TACC1: variants seen among roughly 807,000 people sequenced by gnomAD.
TACC1 encodes the protein transforming acidic coiled-coil containing protein 1.
In TACC1, 48 loss-of-function variants were observed where a neutral mutation model predicts 84.4. The observed-to-expected ratio is 0.57, with a 90% CI of 0.45 to 0.72. TACC1 has a LOEUF of 0.72. Ranked by LOEUF, TACC1 falls within the 30% of genes least tolerant of loss-of-function variation. The pLI is 0.00. For missense variants in TACC1, 920 were observed against 973.0 expected, an observed-to-expected ratio of 0.95 and a Z score of 0.72; for synonymous variants, 372 against 376.3, an observed-to-expected ratio of 0.99 and a Z score of 0.13.
At chr8:38,740,671 C>T (rs1806882998) in intron 1 of TACC1, among the ~76,000 whole-genome samples, 1 of 152,228 alleles carries the variant, frequency 6.6e-6, no homozygotes, top group Admixed American at 6.5e-5. Context: ...AAAAGCAAAA[C>T]AGCACTCCCT....
At chr8:38,788,628 C>T in intron 1 of TACC1, 76 bp from the exon 2 acceptor site, 1 of 1,169,376 alleles carries the variant, frequency 8.6e-7, no homozygotes, top group South Asian at 1.4e-5. Context: ...CTTTTAGCCT[C>T]TGTGAATATG....
At chr8:38,830,424 G>A (rs1392343166) in intron 5 of TACC1, among the ~76,000 whole-genome samples, 2 of 152,142 alleles carry the variant, frequency 1.3e-5, no homozygotes, top group East Asian at 1.9e-4. Context: ...ATAGGCATGC[G>A]CCACCACGCC....
Position 38,845,635 on chromosome 8 carries a change from A to G in TACC1, c.2229-1064A>G, listed in dbSNP as rs1343135108. 2.0e-5 allele frequency among the ~76,000 whole-genome samples: 3 copies of G among 152,178 alleles called. No homozygotes were observed. The East Asian group carries it at 5.8e-4, about 29-fold the overall frequency. Reference sequence around the variant, plus strand: ...GGCACTTAGTTACAAACTTTTTTACATTGAAGGTAACACTACAGCGAACAT... The same window carrying G: ...GGCACTTAGTTACAAACTTTTTTACGTTGAAGGTAACACTACAGCGAACAT... On this transcript the variant is annotated intron_variant, in intron 11 of 12. Coordinates refer to ENST00000317827, the MANE Select transcript of TACC1 (RefSeq NM_006283.3).
chr8:38,773,265 TG>T (rs1814028020), intron 3 of TACC1, among the ~76,000 whole-genome samples: 1 of 151,712 alleles, frequency 6.6e-6, no homozygotes, highest in Non-Finnish European at 1.5e-5. Context: ...AGTGGAGTTG[TG>T]GCGAGCCGAG....
At chr8:38,741,906 T>C (rs1374230788) in intron 1 of TACC1, among the ~76,000 whole-genome samples, 1 of 151,942 alleles carries the variant, frequency 6.6e-6, no homozygotes, top group East Asian at 1.9e-4. Context: ...AAAAAATCAA[T>C]AAAAATCTCA....
At chr8:38,818,778 GCTTTTTTTTTTTCTT>G (rs1825999945) in intron 2 of TACC1, among the ~76,000 whole-genome samples, 1 of 149,740 alleles carries the variant, frequency 6.7e-6, no homozygotes, top group African/African-American at 2.4e-5. Context: ...TGGATACATG[GCTTTTTTTTTTTCTT>G]CTTTTTTTTT....
At chr8:38,739,242 T>C (rs1243806654) in intron 1 of TACC1, among the ~76,000 whole-genome samples, 1 of 152,242 alleles carries the variant, frequency 6.6e-6, no homozygotes, top group East Asian at 1.9e-4. Flanking sequence ...TTCATACTGA[T>C]GTCTATAACT....
chr8:38,757,929 A>T (rs1174112324), intron 3 of TACC1, among the ~76,000 whole-genome samples: 1 of 152,172 alleles, frequency 6.6e-6, no homozygotes, highest in African/African-American at 2.4e-5. Flanking sequence ...GTATTGTAGC[A>T]GCAGCAATTA....
intron 2 of TACC1, among the ~76,000 whole-genome samples, chr8:38,815,963 A>C (rs1239761639): frequency 2.7e-5 from 4 of 150,308 alleles, no homozygotes; most frequent in Non-Finnish European, 5.9e-5. Context: ...CCATGTTTAA[A>C]AAAAAAAAAA....
chr8:38,782,365 G>T (rs1327610268), upstream of TACC1, among the ~76,000 whole-genome samples: 2 of 151,922 alleles, frequency 1.3e-5, no homozygotes, highest in African/African-American at 4.8e-5. Flanking sequence ...ATTTTTTATG[G>T]CTGCATAGTA....
At chr8:38,830,916 GCTGA>G (rs1383917429) in intron 5 of TACC1, among the ~76,000 whole-genome samples, 2 of 152,210 alleles carry the variant, frequency 1.3e-5, no homozygotes, top group Non-Finnish European at 2.9e-5. Flanking sequence ...CCTGTTTGTG[GCTGA>G]CTAACCATGT....
intron 3 of TACC1, among the ~76,000 whole-genome samples, chr8:38,755,441 A>G (rs1809816346): frequency 6.6e-6 from 1 of 151,936 alleles, no homozygotes; most frequent in Non-Finnish European, 1.5e-5. Context: ...GGTGGCTTAC[A>G]CCTGTAGTCC....
Position 38,819,566 on chromosome 8 carries a change from A to G in TACC1, c.322A>G (p.Lys108Glu), listed in dbSNP as rs1173444313. The G allele has an allele frequency of 6.2e-7, 1 of 1,613,266 alleles. No homozygotes were observed. Among genetic ancestry groups the G allele is most frequent in the East Asian group, 2.2e-5 (1 of 44,862 alleles). ...ACAGCTTGTAGCAGAAGTGGTTGAA[A>G]AATGTTCATCTAAGACTTGTTCTAA... is the stretch of plus-strand genomic sequence containing the variant. The part of the protein sequence containing the change: ...DEQLVAEVVE[K>E]CSSKTCSKPS... The change falls in exon 3 of 13, where the codon AAA becomes GAA. Residue 108 changes from lysine (K) to glutamate (E), a missense_variant. Physicochemically the swap from Lys to Glu is moderately conservative, Grantham distance 56 (BLOSUM62 1). Around this residue, in one of 2 missense-constraint regions of TACC1, gnomAD observed 762 missense variants for 747.3 expected, o/e 1.02. Coordinates refer to ENST00000317827, the MANE Select transcript of TACC1 (RefSeq NM_006283.3).
intron 3 of TACC1, chr8:38,824,023 GT>G (rs750789733): frequency 4.4e-6 from 6 of 1,351,974 alleles, no homozygotes; most frequent in Non-Finnish European, 5.9e-6. Context: ...TCTGTTTTCT[GT>G]TGTAAGTACT....
rs567566478 is a variant in TACC1 at position 38,741,951 on chromosome 8, A to G, written c.-674-400A>G. 2.6e-4 allele frequency among the ~76,000 whole-genome samples: 40 copies of G among 152,372 alleles called. 1 individual carries two copies. Among genetic ancestry groups the G allele is most frequent in the Admixed American group, 8.5e-4 (13 of 15,310 alleles). ...CACTGTCCCTGGACCATTATATACA[A>G]AAAGAAATGACAAGTAAATGGAACA... On this transcript the variant is annotated intron_variant, in intron 1 of 14. Coordinates refer to the TACC1 transcript ENST00000518415.
Position 38,836,162 on chromosome 8 carries a change from G to C in TACC1, c.1714G>C (p.Gly572Arg), listed in dbSNP as rs762517543. ...KMEEDGSTVL[G>R]LLESSAEKAP... ...TTCAGTGTAATCCCTTTCCCCACAG[G>C]GGCTGCTGGAGTCCTCTGCAGAGAA... Residue 572 changes from glycine to arginine, a missense_variant and splice_region_variant, in exon 7 of 13, where the codon GGG (glycine) becomes CGG (arginine). Around this residue, in one of 2 missense-constraint regions of TACC1, gnomAD observed 762 missense variants for 747.3 expected, o/e 1.02. Coordinates refer to ENST00000317827, the MANE Select transcript of TACC1 (RefSeq NM_006283.3). The C allele has an allele frequency of 3.1e-6, 5 of 1,613,014 alleles. No individual in the cohort carries two copies. Among genetic ancestry groups the C allele is most frequent in the Non-Finnish European group, 3.4e-6 (4 of 1,179,632 alleles).
At chr8:38,846,122 T>C (rs1441312243) in intron 11 of TACC1, 1 of 142,756 alleles carries the variant, frequency 7.0e-6, no homozygotes, top group African/African-American at 2.6e-5. Context: ...CTACTAAAAA[T>C]AAAAAAAAAA....
intron 5 of TACC1, among the ~76,000 whole-genome samples, chr8:38,829,822 C>T (rs1387496765): frequency 1.3e-5 from 2 of 152,114 alleles, no homozygotes; most frequent in African/African-American, 4.8e-5. Flanking sequence ...ACTGATCAGC[C>T]GCATCACAAG....
intron 3 of TACC1, among the ~76,000 whole-genome samples, chr8:38,760,949 C>A (rs114401123): frequency 0.03 from 4,603 of 152,270 alleles, 237 homozygotes; most frequent in African/African-American, 0.1. Context: ...CCATGCTGGG[C>A]TCTTTGGAAG....
Sources: gnomAD v4.1 joint callset for allele counts (sites outside exome capture counted in the v4.1 genomes callset) on GRCh38, gnomAD v4.1.1 for gene constraint, gnomAD v4.1.1 regional missense constraint, MANE v1.5 for transcripts, NCBI Gene and HGNC (gene_info 2026-07-23, HGNC 2026-07-21) for gene names.